Variants in SHROOM2 observed in about 807,000 individuals in gnomAD.
The protein encoded by SHROOM2 is shroom family member 2.
In SHROOM2, 33 loss-of-function variants were observed where a neutral mutation model predicts 75.9. That is an observed-to-expected ratio of 0.43 (90% CI 0.33 to 0.58). SHROOM2 has a LOEUF of 0.58. SHROOM2 is among the 20% of genes least tolerant of loss of function. The probability of loss-of-function intolerance (pLI) is 0.04; values close to 1 mark genes in which losing one functional copy is unlikely to be tolerated. For missense variants in SHROOM2, 1,434 were observed against 1,461.2 expected, an observed-to-expected ratio of 0.98 and a Z score of 0.30; for synonymous variants, 655 against 663.6, an observed-to-expected ratio of 0.99 and a Z score of 0.20.
intron 4 of SHROOM2, among the ~76,000 whole-genome samples, chrX:9,897,680 C>CAAAAAAAAAAAAAAAAAAAAAA (rs56026461): frequency 2.1e-4 from 15 of 70,574 alleles, no homozygotes; most frequent in African/African-American, 9.0e-4. Flanking sequence ...GACCCTGTCT[C>CAAAAAAAAAAAAAAAAAAAAAA]AAAAAAAAAA....
At chrX:9,851,649 A>G (rs1450622235) in intron 1 of SHROOM2, among the ~76,000 whole-genome samples, 1 of 92,838 alleles carries the variant, frequency 1.1e-5, no homozygotes, top group Non-Finnish European at 2.1e-5. Flanking sequence ...TTTTTTTTGT[A>G]GAGATGGGGT....
At chrX:9,815,971 C>T (rs2083819248) in intron 1 of SHROOM2, among the ~76,000 whole-genome samples, 1 of 112,179 alleles carries the variant, frequency 8.9e-6, no homozygotes, top group South Asian at 3.7e-4. Context: ...AGTTGACACT[C>T]AGTATTAACC....
intron 2 of SHROOM2, among the ~76,000 whole-genome samples, chrX:9,883,580 C>G (rs1346418829): frequency 9.0e-6 from 1 of 110,667 alleles, no homozygotes; most frequent in Non-Finnish European, 1.9e-5. Flanking sequence ...CTCTGAGAAC[C>G]CCTGGACTAG....
intron 5 of SHROOM2, among the ~76,000 whole-genome samples, chrX:9,921,791 T>C (rs1321987412): frequency 8.9e-6 from 1 of 112,479 alleles, no homozygotes; most frequent in Non-Finnish European, 1.9e-5. Flanking sequence ...CCCTCCTTTT[T>C]AAGTCTTTTC....
At chrX:9,941,279 C>T (rs2084766083) in intron 8 of SHROOM2, among the ~76,000 whole-genome samples, 2 of 111,632 alleles carry the variant, frequency 1.8e-5, no homozygotes, top group South Asian at 7.5e-4. Flanking sequence ...TGTGCCTGGT[C>T]TCTACTGTTG....
At position 9,829,131 on chromosome X, in the gene SHROOM2, C is replaced by G. The variant is rs748096056; in HGVS notation, c.165+42421C>G. Among the ~76,000 whole-genome samples the G allele has an allele frequency of 1.2e-4, 14 of 112,209 alleles. No individual in the cohort carries two copies. In the South Asian group the frequency reaches 4.8e-3, roughly 39 times the overall value. On this transcript the variant is annotated intron_variant, in intron 1 of 9. Coordinates refer to ENST00000380913, the MANE Select transcript of SHROOM2 (RefSeq NM_001649.4). ...CTTCACCTCCCAGGTTCAAGTGATT[C>G]TCCTGCCTCAGCCTCCTGAGTAGCT...
chrX:9,786,845 C>G, intron 1 of SHROOM2, 135 bp downstream of exon 1: 1 of 443,596 alleles, frequency 2.3e-6, no homozygotes, highest in Non-Finnish European at 3.0e-6. Flanking sequence ...GGGTCACCTG[C>G]CGGGCCTGGG....
At position 9,808,739 on chromosome X, in the gene SHROOM2, A is replaced by G. The variant is rs138941907; in HGVS notation, c.165+22029A>G. The stretch of plus-strand genomic sequence containing the variant: ...TAGCCAGGCGTGGTATCAGGCGCCT[A>G]TAATCCCAGCTACTCGGGAGGCTGA... On this transcript the variant is annotated intron_variant, in intron 1 of 9. Coordinates refer to ENST00000380913, the MANE Select transcript of SHROOM2 (RefSeq NM_001649.4). Among the ~76,000 whole-genome samples the G allele has an allele frequency of 7.3e-3, 803 of 110,060 alleles. 3 individuals carry two copies. The highest frequency in any genetic ancestry group is 0.012 in the Non-Finnish European group (629 of 52,784).
rs140758778 is a variant in SHROOM2 at position 9,939,261 on chromosome X, G to C, written c.4206G>C (p.Ser1402=). The C allele has an allele frequency of 8.3e-7, 1 of 1,209,719 alleles. No homozygotes were observed. Among genetic ancestry groups the C allele is most frequent in the East Asian group, 3.0e-5 (1 of 33,772 alleles). The part of the protein sequence containing the change: ...LATNSTYYST[S]APKAELLIKM... ...CCAATTCTACCTACTACAGCACGTC[G>C]GCCCCCAAGGCGGAGCTGCTGATCA... The change falls in exon 8 of 10, where the codon TCG becomes TCC. Residue 1402 remains serine (S), a synonymous_variant. Coordinates refer to ENST00000380913, the MANE Select transcript of SHROOM2 (RefSeq NM_001649.4).
intron 1 of SHROOM2, among the ~76,000 whole-genome samples, chrX:9,827,064 C>T (rs187664329): frequency 1.5e-4 from 17 of 110,189 alleles, no homozygotes; most frequent in Admixed American, 1.3e-3. Flanking sequence ...GGGGGAGCTG[C>T]GAAGCGCTAT....
Position 9,790,125 on chromosome X carries a change from T to A in SHROOM2, c.165+3415T>A, listed in dbSNP as rs2083639537. Among the ~76,000 whole-genome samples the A allele has an allele frequency of 2.7e-5, 3 of 112,063 alleles. No homozygotes were observed. The Admixed American group carries it at 2.8e-4, about 11-fold the overall frequency. On this transcript the variant is annotated intron_variant, in intron 1 of 9. Coordinates refer to ENST00000380913, the MANE Select transcript of SHROOM2 (RefSeq NM_001649.4). ...GGCGTGCAGCCAGGTGGCAAGTGTCTTATGTAAAGTGTTAGCTGAGTCCTT... is the reference window on the plus strand; with the variant it reads ...GGCGTGCAGCCAGGTGGCAAGTGTCATATGTAAAGTGTTAGCTGAGTCCTT...
Position 9,932,261 on chromosome X carries a change from C to T in SHROOM2, c.2978C>T (p.Ser993Phe). ...SQKAPNPPTF[S>F]ELSHCRGAPE... Reference sequence around the variant, plus strand: ...AAGGCACCGAACCCACCCACATTCTCTGAACTATCTCACTGCCGGGGAGCC... The same window carrying T: ...AAGGCACCGAACCCACCCACATTCTTTGAACTATCTCACTGCCGGGGAGCC... The change falls in exon 6 of 10, where the codon TCT becomes TTT. Residue 993 changes from serine to phenylalanine, a missense_variant. By Grantham distance (155) the Ser-to-Phe change is radical. Transcript: ENST00000380913. 8.4e-7 allele frequency: 1 copy of T among 1,194,079 alleles called. No individual in the cohort carries two copies. Among genetic ancestry groups the T allele is most frequent in the Non-Finnish European group, 1.1e-6 (1 of 885,454 alleles).
intron 5 of SHROOM2, among the ~76,000 whole-genome samples, chrX:9,931,235 C>T (rs1226877551): frequency 9.1e-6 from 1 of 110,044 alleles, no homozygotes; most frequent in African/African-American, 3.3e-5. Context: ...AGGAGGCTGC[C>T]CTCCCAACAC....
intron 5 of SHROOM2, among the ~76,000 whole-genome samples, chrX:9,900,159 G>A (rs1293958809): frequency 9.0e-6 from 1 of 111,139 alleles, no homozygotes. Flanking sequence ...GAAACTCTCT[G>A]CTTTTGAGCT....
chrX:9,875,110 A>AAAAAAAAAAAAAAG (rs2084192753), intron 2 of SHROOM2, among the ~76,000 whole-genome samples: 33 of 93,124 alleles, frequency 3.5e-4, no homozygotes, highest in Non-Finnish European at 5.1e-4. Context: ...AAAAAAAAAA[A>AAAAAAAAAAAAAAG]GGGGAGGAAG....
At chrX:9,844,901 T>A (rs1160600421) in intron 1 of SHROOM2, among the ~76,000 whole-genome samples, 2 of 112,106 alleles carry the variant, frequency 1.8e-5, no homozygotes, top group Admixed American at 9.5e-5. Flanking sequence ...ATTGGTGTGC[T>A]CCTGCGTTCC....
At position 9,895,137 on chromosome X, in the gene SHROOM2, C is replaced by A. The variant is rs184636687; in HGVS notation, c.1229C>A (p.Ala410Asp). Residue 410 changes from alanine (A) to aspartate (D), a missense_variant, in exon 4 of 10, where the codon GCC (alanine) becomes GAC (aspartate). By Grantham distance (126) the Ala-to-Asp change is moderately radical. Coordinates refer to ENST00000380913, the MANE Select transcript of SHROOM2 (RefSeq NM_001649.4). ...GATGGAGCTTCCAGTAGGCTGCAGG[C>A]CTCTCTGTCCAGCTCAGATGTGCGC... ...SKDGASSRLQASLSSSDVRFP... is the reference protein window; with the variant it reads ...SKDGASSRLQDSLSSSDVRFP... 2 of 1,211,919 alleles carry A rather than the reference C, an allele frequency of 1.7e-6. No homozygotes were observed. Among genetic ancestry groups the A allele is most frequent in the Admixed American group, 4.3e-5 (2 of 46,152 alleles).
chrX:9,882,228 G>A (rs2084235715), intron 2 of SHROOM2, among the ~76,000 whole-genome samples: 1 of 62,299 alleles, frequency 1.6e-5, no homozygotes, highest in Admixed American at 2.6e-4. Flanking sequence ...ATACTGATAT[G>A]TTGACTCAAC....
intron 1 of SHROOM2, among the ~76,000 whole-genome samples, chrX:9,856,622 C>A (rs1466603622): frequency 9.0e-6 from 1 of 111,562 alleles, no homozygotes; most frequent in African/African-American, 3.3e-5. Flanking sequence ...AACTGCCTCA[C>A]TGGGGATCCT....
Sources: gnomAD v4.1 joint callset for allele counts (sites outside exome capture counted in the v4.1 genomes callset) on GRCh38, gnomAD v4.1.1 for gene constraint, MANE v1.5 for transcripts, NCBI Gene and HGNC (gene_info 2026-07-23, HGNC 2026-07-21) for gene names.